Variants in SESTD1 observed in about 807,000 individuals in gnomAD.
SESTD1 encodes the protein SEC14 domain and spectrin repeat-containing protein 1.
Under a neutral mutation model 101.7 loss-of-function variants are expected in SESTD1, and 43 were observed. That is an observed-to-expected ratio of 0.42 (90% CI 0.33 to 0.55). The LOEUF is 0.55. Among genes scored for constraint, SESTD1 ranks in the 20% least tolerant of loss-of-function variants. The pLI is 0.07. For missense variants in SESTD1, 647 were observed against 815.1 expected (o/e 0.79, Z 2.51); for synonymous variants, 283 against 286.8 (o/e 0.99, Z 0.13).
intron 1 of SESTD1, among the ~76,000 whole-genome samples, chr2:179,194,693 C>A (rs899384451): frequency 1.3e-5 from 2 of 152,116 alleles, no homozygotes; most frequent in South Asian, 2.1e-4. Flanking sequence ...ATCACATGAT[C>A]ACTTGCCTGA....
intron 1 of SESTD1, among the ~76,000 whole-genome samples, chr2:179,241,057 C>CA (rs768867000): frequency 1.3e-5 from 2 of 151,516 alleles, no homozygotes; most frequent in African/African-American, 2.4e-5. Flanking sequence ...ACTTTAGAAC[C>CA]AAAAAATACA....
intron 1 of SESTD1, among the ~76,000 whole-genome samples, chr2:179,240,484 C>T (rs1378623377): frequency 6.6e-6 from 1 of 152,132 alleles, no homozygotes; most frequent in Non-Finnish European, 1.5e-5. Context: ...TTAAGTTTCC[C>T]TTGAGTTTTC....
At position 179,197,833 on chromosome 2, in the gene SESTD1, C is replaced by T. The variant is rs567506885; in HGVS notation, c.-25-5967G>A. On this transcript the variant is annotated intron_variant, in intron 1 of 17. Coordinates refer to ENST00000428443, the MANE Select transcript of SESTD1 (RefSeq NM_178123.5). ...AGCGCTAAACATGGAAAGGAACAACCGGTACCAGCCACTGCAAAATCATGC... is the reference window on the plus strand; with the variant it reads ...AGCGCTAAACATGGAAAGGAACAACTGGTACCAGCCACTGCAAAATCATGC... Among the ~76,000 whole-genome samples the T allele has an allele frequency of 1.6e-3, 243 of 152,084 alleles. 3 individuals carry two copies. Among genetic ancestry groups the T allele is most frequent in the African/African-American group, 5.1e-3 (210 of 41,482 alleles).
At chr2:179,208,392 C>T (rs2046613966) in intron 1 of SESTD1, among the ~76,000 whole-genome samples, 1 of 134,346 alleles carries the variant, frequency 7.4e-6, no homozygotes, top group East Asian at 2.0e-4. Flanking sequence ...AAATTCTTTG[C>T]AAAAAGATAA....
At chr2:179,121,975 C>A (rs536810581) in intron 12 of SESTD1, 46 bp from the exon 13 acceptor site, 18 of 1,538,372 alleles carry the variant, frequency 1.2e-5, no homozygotes, top group Non-Finnish European at 1.5e-5. Flanking sequence ...AACTAAGGCG[C>A]TTTCCCTCCC....
chr2:179,263,459 T>C (rs969538166), intron 1 of SESTD1, among the ~76,000 whole-genome samples: 1 of 152,154 alleles, frequency 6.6e-6, no homozygotes, highest in African/African-American at 2.4e-5. Context: ...TCTGTGTATG[T>C]AGGTATGTAT....
At chr2:179,191,632 C>T (rs1194617929) in intron 2 of SESTD1, among the ~76,000 whole-genome samples, 155 bp downstream of exon 2, 1 of 151,986 alleles carries the variant, frequency 6.6e-6, no homozygotes, top group Non-Finnish European at 1.5e-5. Context: ...ACAGAGTTAG[C>T]TCTCCTAGCT....
intron 1 of SESTD1, among the ~76,000 whole-genome samples, chr2:179,243,944 G>GTGTGTATA (rs1336956380): frequency 1.4e-5 from 2 of 139,370 alleles, no homozygotes; most frequent in African/African-American, 5.6e-5. Flanking sequence ...ATATGTGTGT[G>GTGTGTATA]TATATATATA....
At chr2:179,157,075 G>C (rs747063369) in intron 5 of SESTD1, among the ~76,000 whole-genome samples, 2 of 152,034 alleles carry the variant, frequency 1.3e-5, no homozygotes, top group Non-Finnish European at 2.9e-5. Context: ...TTGTTGAAAA[G>C]GGTGTCCTTT....
chr2:179,126,940 C>G (rs193278597), intron 10 of SESTD1, among the ~76,000 whole-genome samples: 143 of 152,322 alleles, frequency 9.4e-4, no homozygotes, highest in Non-Finnish European at 1.5e-3. Flanking sequence ...CTATCAGCCC[C>G]CCGCCTTCCA....
In SESTD1 at chr2:179,108,778, CTT is replaced by C. The variant is rs1281464360; in HGVS notation, c.*1119_*1120del. 6.6e-6 allele frequency: 1 copy of C among 151,924 alleles called. No individual in the cohort carries two copies. The highest frequency in any genetic ancestry group is 2.4e-5 in the African/African-American group (1 of 41,372). The allele number at this position is 151,924 out of a possible 1,614,324, so 9.4% of individuals were successfully genotyped here. On this transcript the variant is annotated 3_prime_UTR_variant, in exon 18 of 18. Transcript: ENST00000428443. ...AATTATATGCATTTTACCATTTAAA[CTT>C]AATACAAACTTAAAAGAACTAGCAT...
rs1369385743 is a variant in SESTD1, at chr2:179,106,641, G to A, written c.*3258C>T. 6.6e-6 allele frequency: 1 copy of A among 152,074 alleles called. No homozygotes were observed. The highest frequency in any genetic ancestry group is 1.5e-5 in the Non-Finnish European group (1 of 68,020). The allele number at this position is 152,074 out of a possible 1,614,324, so 9.4% of individuals were successfully genotyped here. Reference sequence around the variant, plus strand: ...ACATGTTAAGACTAGCTAACACATGGGAGCAATAGCCAATGTAAATTTGTA... The same window carrying A: ...ACATGTTAAGACTAGCTAACACATGAGAGCAATAGCCAATGTAAATTTGTA... On this transcript the variant is annotated 3_prime_UTR_variant, in exon 18 of 18. Transcript: ENST00000428443.
chr2:179,155,833 C>G (rs576171476), intron 5 of SESTD1, among the ~76,000 whole-genome samples: 40 of 151,916 alleles, frequency 2.6e-4, no homozygotes, highest in African/African-American at 8.2e-4. Context: ...TTTGGTGCAC[C>G]CATCACCCGA....
intron 13 of SESTD1, among the ~76,000 whole-genome samples, chr2:179,117,920 C>CTGTT (rs1241099608): frequency 1.3e-5 from 2 of 152,176 alleles, no homozygotes; most frequent in Non-Finnish European, 2.9e-5. Context: ...ATCTCCATTG[C>CTGTT]TGTTTAGCAT....
chr2:179,218,152 A>G (rs762141214), intron 1 of SESTD1, among the ~76,000 whole-genome samples: 3 of 152,196 alleles, frequency 2.0e-5, no homozygotes, highest in African/African-American at 4.8e-5. Flanking sequence ...TTAAAAAATA[A>G]CATAAACATA....
At chr2:179,114,946 G>A (rs542812488) in intron 16 of SESTD1, 119 bp downstream of exon 16, 85 of 846,256 alleles carry the variant, frequency 1.0e-4, no homozygotes, top group Middle Eastern at 3.6e-4. Context: ...CCGTAACAAC[G>A]GAACTAATAT....
chr2:179,256,746 A>G (rs1288593111), intron 1 of SESTD1, among the ~76,000 whole-genome samples: 1 of 144,438 alleles, frequency 6.9e-6, no homozygotes, highest in East Asian at 2.1e-4. Flanking sequence ...CGGGAGGCAG[A>G]GGTTGCAGTG....
chr2:179,181,216 G>A lies in SESTD1; in HGVS notation c.164+1864C>T, dbSNP rs1009766028. Among the ~76,000 whole-genome samples the A allele has an allele frequency of 7.9e-5, 12 of 152,190 alleles. No homozygotes were observed. In the East Asian group the frequency reaches 1.7e-3, roughly 22 times the overall value. ...TGCTTATCCACGCCAGAGTGAACAT[G>A]AGCCCAGAGATGTGAATGAATCTGC... On this transcript the variant is annotated intron_variant, in intron 3 of 17. Coordinates refer to ENST00000428443, the MANE Select transcript of SESTD1 (RefSeq NM_178123.5).
chr2:179,137,942 A>C (rs952440577), intron 9 of SESTD1, among the ~76,000 whole-genome samples: 2 of 152,198 alleles, frequency 1.3e-5, no homozygotes, highest in African/African-American at 4.8e-5. Context: ...TGTGTGACCA[A>C]CATATGATCA....
Sources: gnomAD v4.1 joint callset for allele counts (sites outside exome capture counted in the v4.1 genomes callset) on GRCh38, gnomAD v4.1.1 for gene constraint, MANE v1.5 for transcripts, NCBI Gene and HGNC (gene_info 2026-07-23, HGNC 2026-07-21) for gene names.